Variants in PRDM9 observed in about 807,000 individuals in gnomAD.
The protein encoded by PRDM9 is PR/SET domain 9.
Under a neutral mutation model 55.6 loss-of-function variants are expected in PRDM9, and 47 were observed. That is an observed-to-expected ratio of 0.85 (90% CI 0.67 to 1.08). The LOEUF is 1.08. Ranked by LOEUF, PRDM9 falls within the 50% of genes least tolerant of loss-of-function variation. The pLI is 0.00. For synonymous variants in PRDM9, 312 were observed against 375.7 expected, an observed-to-expected ratio of 0.83 and a Z score of 1.96; for missense variants, 867 against 1,040.3, an observed-to-expected ratio of 0.83 and a Z score of 2.29.
intron 7 of PRDM9, 92 bp from the exon 8 acceptor site, chr5:23,522,522 C>G: frequency 6.3e-7 from 1 of 1,595,950 alleles, no homozygotes; most frequent in Non-Finnish European, 8.6e-7. Context: ...AGGATTAGGG[C>G]TAAATAATGT....
chr5:23,517,388 A>T (rs538108687), intron 4 of PRDM9, among the ~76,000 whole-genome samples: 6 of 152,186 alleles, frequency 3.9e-5, no homozygotes, highest in Non-Finnish European at 8.8e-5. Flanking sequence ...CCTTTAATAG[A>T]AACATAGGCC....
At chr5:23,511,212 A>G (rs1201410683) in intron 4 of PRDM9, among the ~76,000 whole-genome samples, 8 of 152,166 alleles carry the variant, frequency 5.3e-5, no homozygotes, top group Admixed American at 4.6e-4. Context: ...GGTCTCAGCT[A>G]CATTTCAGAA....
chr5:23,521,209 T>C, intron 6 of PRDM9, 30 bp downstream of exon 6: 1 of 1,609,916 alleles, frequency 6.2e-7, no homozygotes, highest in South Asian at 1.1e-5. Context: ...GGGACTTTAG[T>C]CCCTCTATGT....
chr5:23,510,138 T>C, intron 4 of PRDM9, 111 bp downstream of exon 4: 1 of 1,084,976 alleles, frequency 9.2e-7, no homozygotes, highest in Non-Finnish European at 1.3e-6. Context: ...CACTGCAATC[T>C]CCACCTCCCA....
intron 6 of PRDM9, among the ~76,000 whole-genome samples, chr5:23,521,468 G>A (rs1189003852): frequency 2.0e-5 from 3 of 152,190 alleles, no homozygotes; most frequent in Admixed American, 6.5e-5. Context: ...CACCCGAGTA[G>A]CTGGGATTAT....
At chr5:23,522,537 G>A in intron 7 of PRDM9, 77 bp from the exon 8 acceptor site, 2 of 1,604,382 alleles carry the variant, frequency 1.2e-6, no homozygotes, top group Non-Finnish European at 1.7e-6. Flanking sequence ...TAATGTGAAT[G>A]CCAAGCTCTT....
At chr5:23,507,935 A>G (rs1012545305) in intron 1 of PRDM9, among the ~76,000 whole-genome samples, 4 of 151,822 alleles carry the variant, frequency 2.6e-5, no homozygotes, top group African/African-American at 9.7e-5. Context: ...AGAGCACCAA[A>G]TATTCTGAGC....
chr5:23,512,153 T>G (rs1739111851), intron 4 of PRDM9, among the ~76,000 whole-genome samples: 1 of 152,180 alleles, frequency 6.6e-6, no homozygotes, highest in Non-Finnish European at 1.5e-5. Flanking sequence ...TTATGTACAT[T>G]TAATCATACT....
At position 23,527,604 on chromosome 5, in the gene PRDM9, G is replaced by C. The variant is rs1267472661; in HGVS notation, c.2516G>C (p.Arg839Pro). 1 of 1,507,600 alleles carries C rather than the reference G, an allele frequency of 6.6e-7. No individual in the cohort carries two copies. 93.4% of individuals were successfully genotyped at this position (1,507,600 alleles called of 1,614,324 possible). ...CCCTATGTCTGCAGGGAGTGTGGGCGGGGCTTTCGCAATAAGTCACACCTC... is the reference window on the plus strand; with the variant it reads ...CCCTATGTCTGCAGGGAGTGTGGGCCGGGCTTTCGCAATAAGTCACACCTC... The part of the protein sequence containing the change: ...EKPYVCRECG[R>P]GFRNKSHLLR... Residue 839 changes from arginine to proline, a missense_variant, in exon 11 of 11, where the codon CGG becomes CCG. Physicochemically the swap from Arg to Pro is moderately radical, Grantham distance 103. Around this residue, in one of 5 missense-constraint regions of PRDM9, gnomAD observed 86 missense variants for 73.6 expected, o/e 1.17. Coordinates refer to ENST00000296682, the MANE Select transcript of PRDM9 (RefSeq NM_020227.4).
intron 4 of PRDM9, among the ~76,000 whole-genome samples, chr5:23,516,847 T>C (rs1311422190): frequency 1.4e-5 from 2 of 138,646 alleles, no homozygotes; most frequent in African/African-American, 5.4e-5. Context: ...AGCCTCCTGA[T>C]TAGCTGGGAC....
chr5:23,510,116 A>C (rs1268858214), intron 4 of PRDM9, 89 bp downstream of exon 4: 36 of 1,322,310 alleles, frequency 2.7e-5, no homozygotes, highest in Admixed American at 1.5e-4. Flanking sequence ...GTGCAATGGC[A>C]TGATCTTGGC....
chr5:23,513,246 A>G (rs1246443090), intron 4 of PRDM9, among the ~76,000 whole-genome samples: 2 of 152,212 alleles, frequency 1.3e-5, no homozygotes, highest in Admixed American at 6.5e-5. Context: ...CATTCCCACT[A>G]CTATGGTTTG....
rs148593518 is a variant in PRDM9, at chr5:23,515,665, T to C, written c.302-2216T>C. 7.7e-3 allele frequency among the ~76,000 whole-genome samples: 1,178 copies of C among 152,344 alleles called. 18 individuals are homozygous for C. The highest frequency in any genetic ancestry group is 0.027 in the African/African-American group (1,121 of 41,580). ...CTTATAGGTTTTACATTTCAGTCTTTAATCTATTTTGAGTTAATTTTTATA... is the reference window on the plus strand; with the variant it reads ...CTTATAGGTTTTACATTTCAGTCTTCAATCTATTTTGAGTTAATTTTTATA... On this transcript the variant is annotated intron_variant, in intron 4 of 10. Transcript: ENST00000296682.
At chr5:23,512,743 G>A (rs1465276635) in intron 4 of PRDM9, among the ~76,000 whole-genome samples, 1 of 152,048 alleles carries the variant, frequency 6.6e-6, no homozygotes, top group Admixed American at 6.6e-5. Context: ...TATCTTGCAT[G>A]ACTAAAACCC....
chr5:23,518,708 G>T lies in PRDM9; in HGVS notation c.351+778G>T, dbSNP rs555307665. Among the ~76,000 whole-genome samples the T allele has an allele frequency of 2.0e-5, 3 of 152,272 alleles. No homozygotes were observed. The South Asian group carries it at 6.2e-4, about 32-fold the overall frequency. On this transcript the variant is annotated intron_variant, in intron 5 of 10. Transcript: ENST00000296682. ...TATTAAGTAAAAATATATTCTTCTG[G>T]AACTGATTTCAAATTCTCATTCCTA...
At position 23,527,771 on chromosome 5, in the gene PRDM9, T is replaced by G. The variant is rs1349163081; in HGVS notation, c.2683T>G (p.Ter895GluextTer10). 3.1e-6 allele frequency: 5 copies of G among 1,613,480 alleles called. No individual in the cohort carries two copies. In the South Asian group the frequency reaches 3.3e-5, roughly 11 times the overall value. ...GCCCTACGTCTGCAGGGAGGATGAG[T>G]AAGTCATTAGTAATAAAACCTCATC... is the stretch of plus-strand genomic sequence containing the variant. The part of the protein sequence containing the change: ...EKPYVCREDE[*>E] Residue 895 changes from the stop codon to glutamate (E), a stop_lost, in exon 11 of 11, where the codon TAA becomes GAA. Coordinates refer to ENST00000296682, the MANE Select transcript of PRDM9 (RefSeq NM_020227.4).
intron 5 of PRDM9, among the ~76,000 whole-genome samples, chr5:23,520,726 C>G (rs182712740): frequency 4.6e-5 from 7 of 152,218 alleles, no homozygotes; most frequent in Admixed American, 2.0e-4. Flanking sequence ...GCCCTTACCC[C>G]CTTCTTTCAC....
At chr5:23,515,147 T>A (rs1739182807) in intron 4 of PRDM9, among the ~76,000 whole-genome samples, 1 of 151,878 alleles carries the variant, frequency 6.6e-6, no homozygotes, top group Non-Finnish European at 1.5e-5. Context: ...GTATTTTTAG[T>A]AGAGACAGGG....
chr5:23,526,441 C>T lies in PRDM9; in HGVS notation c.1353C>T (p.Thr451=), dbSNP rs2126434930. The T allele has an allele frequency of 6.2e-7, 1 of 1,614,122 alleles. No homozygotes were observed. ...YPDPHSRNDK[T]KGQEIKERSK... ...ATCCACACAGCCGTAATGACAAAACCAAAGGTCAAGAGATCAAAGAAAGGT... is the reference window on the plus strand; with the variant it reads ...ATCCACACAGCCGTAATGACAAAACTAAAGGTCAAGAGATCAAAGAAAGGT... The change falls in exon 11 of 11, where the codon ACC becomes ACT. Residue 451 remains threonine, a synonymous_variant. Transcript: ENST00000296682.
Sources: allele counts gnomAD v4.1 joint callset (sites outside exome capture counted in the v4.1 genomes callset), GRCh38; gene constraint gnomAD v4.1.1; regional missense constraint gnomAD v4.1.1; transcripts MANE v1.5; gene names NCBI Gene and HGNC (gene_info 2026-07-23, HGNC 2026-07-21).